The following PTPRG variants were observed in gnomAD, a reference collection of about 807,000 sequenced individuals.
The protein encoded by PTPRG is protein tyrosine phosphatase receptor type G.
In PTPRG, 102 loss-of-function variants were observed where a neutral mutation model predicts 165.3. The observed-to-expected ratio is 0.62, with a 90% CI of 0.53 to 0.73. The LOEUF (loss-of-function observed/expected upper bound fraction) is 0.73, where lower values mean the gene tolerates loss of function less well. PTPRG is among the 30% of genes least tolerant of loss of function. The pLI, the probability that PTPRG is intolerant of heterozygous loss-of-function variation, is 0.00. For missense variants in PTPRG, 1,866 were observed against 1,861.4 expected, an observed-to-expected ratio of 1.00 and a Z score of -0.05; for synonymous variants, 675 against 669.5, an observed-to-expected ratio of 1.01 and a Z score of -0.13.
chr3:61,711,321 G>A (rs1463439174), intron 1 of PTPRG, among the ~76,000 whole-genome samples: 1 of 152,116 alleles, frequency 6.6e-6, no homozygotes, highest in East Asian at 1.9e-4. Context: ...GGTATTTCTG[G>A]TTCTAGATCC....
chr3:61,611,145 A>C (rs1352242523), intron 1 of PTPRG, among the ~76,000 whole-genome samples: 3 of 152,196 alleles, frequency 2.0e-5, no homozygotes, highest in African/African-American at 7.2e-5. Flanking sequence ...TTTTGAACAG[A>C]GATCCTAATC....
chr3:62,098,266 T>A (rs974716697), intron 5 of PTPRG, among the ~76,000 whole-genome samples: 39 of 151,722 alleles, frequency 2.6e-4, no homozygotes, highest in African/African-American at 9.2e-4. Context: ...TAAAAAAAAA[T>A]ACAACAATAT....
chr3:61,703,422 A>G (rs535025106), intron 1 of PTPRG, among the ~76,000 whole-genome samples: 1 of 152,136 alleles, frequency 6.6e-6, no homozygotes, highest in Non-Finnish European at 1.5e-5. Flanking sequence ...AACTAGGCTG[A>G]CATTTTTTCT....
intron 2 of PTPRG, among the ~76,000 whole-genome samples, chr3:61,892,037 G>C (rs2038228961): frequency 6.6e-6 from 1 of 152,134 alleles, no homozygotes. Context: ...TAATGTGCTA[G>C]GCACTGGACC....
intron 2 of PTPRG, among the ~76,000 whole-genome samples, chr3:61,921,623 A>G (rs1406796): frequency 0.011 from 1,630 of 152,324 alleles, 36 homozygotes; most frequent in South Asian, 0.093. Flanking sequence ...TTCAGACTAT[A>G]TGCATATATA....
chr3:61,932,252 T>C (rs551185580), intron 2 of PTPRG, among the ~76,000 whole-genome samples: 1 of 152,336 alleles, frequency 6.6e-6, no homozygotes, highest in South Asian at 2.1e-4. Flanking sequence ...GATTGGATAT[T>C]ACATAGATTC....
chr3:61,749,091 A>G (rs897454110), intron 2 of PTPRG, 109 bp downstream of exon 2: 4 of 918,804 alleles, frequency 4.4e-6, no homozygotes. Context: ...GTTTGCTCAA[A>G]TCTTTCGTAG....
chr3:62,085,492 T>C (rs2526420), intron 5 of PTPRG, among the ~76,000 whole-genome samples: 49,831 of 152,106 alleles, frequency 0.33, 10,282 homozygotes, highest in African/African-American at 0.59. Context: ...GGTTTCCCAA[T>C]AAAATGCGTT....
intron 2 of PTPRG, among the ~76,000 whole-genome samples, chr3:61,827,642 C>T (rs979603234): frequency 6.6e-6 from 1 of 151,690 alleles, no homozygotes. Flanking sequence ...TCATATTTAT[C>T]TGGTTGGAAG....
chr3:61,887,152 A>AAAG (rs2038068210), intron 2 of PTPRG, among the ~76,000 whole-genome samples: 1 of 58,310 alleles, frequency 1.7e-5, no homozygotes. Flanking sequence ...ATATATATAT[A>AAAG]TATATATATA....
intron 1 of PTPRG, among the ~76,000 whole-genome samples, chr3:61,575,995 A>G (rs1430106186): frequency 1.3e-5 from 2 of 152,230 alleles, no homozygotes; most frequent in East Asian, 3.8e-4. Flanking sequence ...GTGCCTAAAC[A>G]CGCTCTCAAC....
Position 62,087,885 on chromosome 3 carries a change from A to G in PTPRG, c.615+9627A>G, listed in dbSNP as rs79620672. ...GTTCTTCTTTTTGTCCATAGTTACAATCTTCGATCCTAAATTATCTTAGGC... is the reference window on the plus strand; with the variant it reads ...GTTCTTCTTTTTGTCCATAGTTACAGTCTTCGATCCTAAATTATCTTAGGC... On this transcript the variant is annotated intron_variant, in intron 5 of 29. Coordinates refer to ENST00000474889, the MANE Select transcript of PTPRG (RefSeq NM_002841.4). 7.7e-3 allele frequency among the ~76,000 whole-genome samples: 1,168 copies of G among 152,286 alleles called. 16 individuals are homozygous for G. Among genetic ancestry groups the G allele is most frequent in the African/African-American group, 0.027 (1,128 of 41,552 alleles).
intron 2 of PTPRG, among the ~76,000 whole-genome samples, chr3:61,933,184 A>C (rs970197114): frequency 1.3e-5 from 2 of 152,204 alleles, no homozygotes; most frequent in Non-Finnish European, 2.9e-5. Flanking sequence ...CTATGTGGAA[A>C]GGTACATTTC....
chr3:61,845,621 G>A (rs569686052), intron 2 of PTPRG, among the ~76,000 whole-genome samples: 1 of 152,270 alleles, frequency 6.6e-6, no homozygotes, highest in African/African-American at 2.4e-5. Flanking sequence ...TCTCTGTAAA[G>A]GTGTATATTG....
In PTPRG at chr3:62,292,103, A is replaced by T. The variant is rs576327278; in HGVS notation, c.4056-318A>T. On this transcript the variant is annotated intron_variant, in intron 28 of 29. Coordinates refer to ENST00000474889, the MANE Select transcript of PTPRG (RefSeq NM_002841.4). ...AGAGGTTCTCTTTATTGTTTTTTCTATTGTACCACCCAACTCATCACCAAC... is the reference window on the plus strand; with the variant it reads ...AGAGGTTCTCTTTATTGTTTTTTCTTTTGTACCACCCAACTCATCACCAAC... Among the ~76,000 whole-genome samples the T allele has an allele frequency of 2.9e-3, 445 of 152,028 alleles. 4 individuals carry two copies. The highest frequency in any genetic ancestry group is 0.01 in the African/African-American group (417 of 41,488).
At chr3:62,063,567 GA>G (rs1423904935) in intron 4 of PTPRG, among the ~76,000 whole-genome samples, 2 of 152,228 alleles carry the variant, frequency 1.3e-5, no homozygotes, top group African/African-American at 2.4e-5. Flanking sequence ...AGGTAGGTGG[GA>G]AATTATTAGT....
At chr3:61,897,750 T>C (rs1297246578) in intron 2 of PTPRG, among the ~76,000 whole-genome samples, 1 of 152,224 alleles carries the variant, frequency 6.6e-6, no homozygotes, top group Admixed American at 6.5e-5. Flanking sequence ...TTGTTTTCAA[T>C]ATCACATTGT....
intron 2 of PTPRG, among the ~76,000 whole-genome samples, chr3:61,804,864 T>A (rs1398177351): frequency 6.6e-6 from 1 of 152,228 alleles, no homozygotes; most frequent in Non-Finnish European, 1.5e-5. Context: ...TTCCCCTTCC[T>A]GATGTATAAA....
At chr3:62,257,861 G>A (rs1278978982) in intron 16 of PTPRG, among the ~76,000 whole-genome samples, 1 of 152,078 alleles carries the variant, frequency 6.6e-6, no homozygotes, top group Non-Finnish European at 1.5e-5. Flanking sequence ...CAGAGGCTGA[G>A]GCTGAGGCAG....
Sources: gnomAD v4.1 joint callset for allele counts (sites outside exome capture counted in the v4.1 genomes callset) on GRCh38, gnomAD v4.1.1 for gene constraint, MANE v1.5 for transcripts, NCBI Gene and HGNC (gene_info 2026-07-23, HGNC 2026-07-21) for gene names.